The following TPP2 variants were observed in gnomAD, a reference collection of about 807,000 sequenced individuals.
The protein encoded by TPP2 is tripeptidyl-peptidase 2.
A neutral mutation model predicts 155.9 loss-of-function variants in TPP2; 34 were observed. That is an observed-to-expected ratio of 0.22 (90% CI 0.17 to 0.29). The LOEUF is 0.29. TPP2 is among the 10% of genes least tolerant of loss of function. TPP2 has a pLI of 1.00. For missense variants in TPP2, 1,028 were observed against 1,522.3 expected (o/e 0.68, Z 5.40); for synonymous variants, 510 against 529.4 (o/e 0.96, Z 0.50).
intron 24 of TPP2, among the ~76,000 whole-genome samples, chr13:102,655,473 A>G (rs1883795007): frequency 6.6e-6 from 1 of 152,210 alleles, no homozygotes; most frequent in Admixed American, 6.5e-5. Flanking sequence ...GAACTGACTT[A>G]ATAAATAACG....
At chr13:102,608,750 T>C (rs1338358917) in intron 2 of TPP2, among the ~76,000 whole-genome samples, 1 of 152,158 alleles carries the variant, frequency 6.6e-6, no homozygotes, top group South Asian at 2.1e-4. Context: ...TCTCCTATTC[T>C]GCTTCCTCCT....
chr13:102,662,116 G>A (rs1035797679), intron 25 of TPP2, among the ~76,000 whole-genome samples: 4 of 152,120 alleles, frequency 2.6e-5, no homozygotes, highest in African/African-American at 9.7e-5. Context: ...CAACATGAAT[G>A]CACCTTGAAA....
intron 27 of TPP2, 96 bp from the exon 28 acceptor site, chr13:102,674,187 C>T: frequency 1.5e-6 from 2 of 1,312,492 alleles, no homozygotes; most frequent in African/African-American, 3.0e-5. Context: ...CATTATAAAT[C>T]TTAGGCAAAA....
At chr13:102,649,542 A>T in intron 23 of TPP2, 56 bp downstream of exon 23, 1 of 1,451,428 alleles carries the variant, frequency 6.9e-7, no homozygotes, top group Non-Finnish European at 9.5e-7. Flanking sequence ...TCATTTCTTT[A>T]AAGATAAGAA....
chr13:102,603,287 A>C (rs1440960736), intron 1 of TPP2, among the ~76,000 whole-genome samples: 3 of 152,168 alleles, frequency 2.0e-5, no homozygotes, highest in Non-Finnish European at 4.4e-5. Flanking sequence ...GCCTTCATGG[A>C]GCTTTCTATT....
rs907201555 is a variant in TPP2 at position 102,623,139 on chromosome 13, A to G, written c.784+99A>G. On this transcript the variant is annotated intron_variant, in intron 6 of 29. Coordinates refer to ENST00000376052, the MANE Select transcript of TPP2 (RefSeq NM_001330588.2). ...GCAACCTTCTAGAGAATTTTAAGCT[A>G]GAGATCGTAGCTAAAGGACTAGGTC... is the stretch of plus-strand genomic sequence containing the variant. 6.1e-6 allele frequency: 8 copies of G among 1,313,900 alleles called. No individual in the cohort carries two copies. In the African/African-American group the frequency reaches 1.0e-4, roughly 17 times the overall value. 81.4% of individuals were successfully genotyped at this position (1,313,900 alleles called of 1,614,324 possible).
chr13:102,661,507 T>C (rs137948246), intron 25 of TPP2, among the ~76,000 whole-genome samples: 167 of 152,152 alleles, frequency 1.1e-3, no homozygotes, highest in African/African-American at 3.8e-3. Flanking sequence ...CTTCCCATAG[T>C]GTTGGGATTA....
chr13:102,650,825 A>G (rs987052212), intron 23 of TPP2, among the ~76,000 whole-genome samples: 2 of 152,234 alleles, frequency 1.3e-5, no homozygotes, highest in African/African-American at 4.8e-5. Flanking sequence ...GTAGCTATTT[A>G]TCAAGGGAGA....
Position 102,678,565 on chromosome 13 carries a change from C to A in TPP2, c.*249C>A. 2.8e-6 allele frequency: 1 copy of A among 360,452 alleles called. No homozygotes were observed. Among genetic ancestry groups the A allele is most frequent in the East Asian group, 4.8e-5 (1 of 21,000 alleles). 22.3% of individuals were successfully genotyped at this position (360,452 alleles called of 1,614,324 possible). On this transcript the variant is annotated 3_prime_UTR_variant, in exon 30 of 30. Transcript: ENST00000376052. ...CACGGGGATGTGCCCTGCCTGCCAGCACCTAGGACTTCGAGTTGGGTTGCA... is the reference window on the plus strand; with the variant it reads ...CACGGGGATGTGCCCTGCCTGCCAGAACCTAGGACTTCGAGTTGGGTTGCA...
chr13:102,658,764 G>A (rs1884016776), intron 25 of TPP2, among the ~76,000 whole-genome samples: 2 of 152,024 alleles, frequency 1.3e-5, no homozygotes, highest in Admixed American at 1.3e-4. Flanking sequence ...AGCTCCTGGG[G>A]GAGGGAAGGC....
intron 9 of TPP2, 65 bp from the exon 10 acceptor site, chr13:102,630,031 A>T (rs1045782072): frequency 7.3e-7 from 1 of 1,366,218 alleles, no homozygotes; most frequent in African/African-American, 1.4e-5. Flanking sequence ...ACTCAAGTGA[A>T]CAGTGGATTT....
intron 1 of TPP2, among the ~76,000 whole-genome samples, chr13:102,604,540 T>G (rs1201659113): frequency 6.6e-6 from 1 of 152,164 alleles, no homozygotes; most frequent in Non-Finnish European, 1.5e-5. Context: ...TAAAATAGGG[T>G]GTGGTCTATA....
intron 24 of TPP2, among the ~76,000 whole-genome samples, chr13:102,652,223 A>G (rs1175079299): frequency 2.6e-5 from 4 of 151,914 alleles, no homozygotes; most frequent in Admixed American, 2.6e-4. Context: ...AAAAAAATGC[A>G]AAAATTAGCC....
intron 27 of TPP2, among the ~76,000 whole-genome samples, chr13:102,665,901 T>G (rs1779412921): frequency 1.3e-5 from 2 of 152,208 alleles, no homozygotes; most frequent in South Asian, 2.1e-4. Flanking sequence ...CTATAGGATC[T>G]TATGAATCTT....
chr13:102,638,707 T>G (rs941245770), intron 15 of TPP2, among the ~76,000 whole-genome samples: 1 of 152,230 alleles, frequency 6.6e-6, no homozygotes, highest in African/African-American at 2.4e-5. Flanking sequence ...CTCTCTTCTC[T>G]TAATGCTTCC....
intron 1 of TPP2, among the ~76,000 whole-genome samples, chr13:102,601,568 C>A (rs1879430994): frequency 6.6e-6 from 1 of 152,218 alleles, no homozygotes; most frequent in African/African-American, 2.4e-5. Flanking sequence ...ATTTCCCAGT[C>A]TCCCACCCCA....
At chr13:102,645,935 A>G (rs537857876) in intron 19 of TPP2, among the ~76,000 whole-genome samples, 14 of 152,332 alleles carry the variant, frequency 9.2e-5, no homozygotes, top group South Asian at 2.1e-4. Context: ...AGTACTGTCA[A>G]CAGTTTGCAC....
chr13:102,605,366 A>G (rs1566316085), intron 2 of TPP2, among the ~76,000 whole-genome samples: 2 of 152,208 alleles, frequency 1.3e-5, no homozygotes, highest in Non-Finnish European at 2.9e-5. Flanking sequence ...GTGACCTTCT[A>G]AGGGACCACC....
chr13:102,627,881 G>A lies in TPP2; in HGVS notation c.973G>A (p.Val325Ile). 1 of 1,613,464 alleles carries A rather than the reference G, an allele frequency of 6.2e-7. No homozygotes were observed. Among genetic ancestry groups the A allele is most frequent in the African/African-American group, 1.3e-5 (1 of 74,952 alleles). ...AGTTATAAATCATAAGTGTGATCTT[G>A]TCAACTACAGTTACGGAGAAGCAAC... ...IEVINHKCDLVNYSYGEATHW... is the reference protein window; with the variant it reads ...IEVINHKCDLINYSYGEATHW... Residue 325 changes from valine to isoleucine, a missense_variant, in exon 8 of 30, where the codon GTC becomes ATC. Physicochemically the swap from Val to Ile is conservative, Grantham distance 29 (BLOSUM62 3). Coordinates refer to ENST00000376052, the MANE Select transcript of TPP2 (RefSeq NM_001330588.2).
Sources: allele counts gnomAD v4.1 joint callset (sites outside exome capture counted in the v4.1 genomes callset), GRCh38; gene constraint gnomAD v4.1.1; transcripts MANE v1.5; gene names NCBI Gene and HGNC (gene_info 2026-07-23, HGNC 2026-07-21).